The following HELZ2 variants were observed in gnomAD, a reference collection of about 807,000 sequenced individuals.
HELZ2 encodes the protein 3'-5' exoribonuclease HELZ2.
In HELZ2, 143 loss-of-function variants were observed where a neutral mutation model predicts 208.8. The ratio of observed to expected loss-of-function variants is 0.68; its 90% CI spans 0.60 to 0.79. The LOEUF is 0.79. Ranked by LOEUF, HELZ2 falls within the 30% of genes least tolerant of loss-of-function variation. The pLI is 0.00. For missense variants in HELZ2, 3,690 were observed against 3,794.5 expected (o/e 0.97, Z 0.72); for synonymous variants, 1,705 against 1,693.7 (o/e 1.01, Z -0.16).
chr20:63,561,005 G>C, intron 14 of HELZ2, 76 bp from the exon 16 acceptor site: 2 of 1,595,280 alleles, frequency 1.3e-6, no homozygotes, highest in Admixed American at 1.7e-5. Context: ...ACCCGCGTCT[G>C]CACACACAGG....
intron 15 of HELZ2, 30 bp downstream of exon 16, chr20:63,560,765 T>G (rs1600966797): frequency 6.2e-7 from 1 of 1,605,582 alleles, no homozygotes; most frequent in Non-Finnish European, 8.5e-7. Context: ...GGGCTGCAGG[T>G]GGGCTGGGGG....
At chr20:63,563,217 G>T in exon 8 of HELZ2, 1 of 1,578,232 alleles carries the variant, frequency 6.3e-7, no homozygotes, top group Non-Finnish European at 8.5e-7. Context: ...TCCAGGAAAT[G>T]GCCACAGTGG....
exon 17 of HELZ2, chr20:63,560,185 A>T: frequency 7.1e-7 from 1 of 1,411,800 alleles, no homozygotes; most frequent in Non-Finnish European, 9.4e-7. Flanking sequence ...GCTCTTGGTG[A>T]TGGAGGACAC....
At chr20:63,561,643 A>C in exon 12 of HELZ2, 1 of 1,612,186 alleles carries the variant, frequency 6.2e-7, no homozygotes, top group Non-Finnish European at 8.5e-7. Context: ...GCTCTTCCTG[A>C]GCAGCTTCCT....
chr20:63,570,447 TG>T, intron 3 of HELZ2, 56 bp downstream of exon 4: 4 of 1,438,466 alleles, frequency 2.8e-6, no homozygotes, highest in African/African-American at 1.4e-5. Context: ...CTGCCCGGGC[TG>T]AAGTCACCAC....
At chr20:63,562,596 C>T in exon 8 of HELZ2, 1 of 1,599,064 alleles carries the variant, frequency 6.3e-7, no homozygotes, top group South Asian at 1.1e-5. Context: ...GGAACCTTCT[C>T]CATGCCCATG....
Position 63,562,863 on chromosome 20 carries a change from A to G in HELZ2, c.5959T>C (p.Phe1987Leu). The G allele has an allele frequency of 3.1e-6, 5 of 1,607,460 alleles. No homozygotes were observed. Among genetic ancestry groups the G allele is most frequent in the Non-Finnish European group, 4.2e-6 (5 of 1,178,276 alleles). Residue 1987 changes from phenylalanine to leucine, a missense_variant, in exon 8 of 19, where the codon TTC (phenylalanine) becomes CTC (leucine). Physicochemically the swap from Phe to Leu is conservative, Grantham distance 22. Coordinates refer to ENST00000467148, the Ensembl canonical transcript of HELZ2. ...TCGAGGAAGGCGGCCTCCAGGCGGAAGGCGCCCTGCAGCTGCCCCTGCGGC... is the reference window on the plus strand; with the variant it reads ...TCGAGGAAGGCGGCCTCCAGGCGGAGGGCGCCCTGCAGCTGCCCCTGCGGC...
exon 5 of HELZ2, chr20:63,568,491 C>A: frequency 6.3e-7 from 1 of 1,586,286 alleles, no homozygotes; most frequent in Non-Finnish European, 8.6e-7. Context: ...CGCCTCCCAT[C>A]CCCAGGGCCC....
chr20:63,560,746 G>GC (rs750673261), intron 15 of HELZ2, 49 bp from the exon 17 acceptor site: 3 of 1,604,200 alleles, frequency 1.9e-6, no homozygotes, highest in African/African-American at 1.3e-5. Flanking sequence ...CGGGGTTGTG[G>GC]CCCCCCAGGG....
chr20:63,573,858 G>A (rs796344619), upstream of HELZ2, among the ~76,000 whole-genome samples: 7 of 152,218 alleles, frequency 4.6e-5, no homozygotes, highest in African/African-American at 1.7e-4. This position sits in a 1 kb window ranked among gnomAD's most constrained non-coding sequence, Gnocchi z 4.9. Context: ...ATGAGAACCC[G>A]GCACTCCCCG....
chr20:63,566,850 AC>A lies in HELZ2; in HGVS notation c.2507del (p.Gly836ValfsTer7), dbSNP rs774964801. The A allele has an allele frequency of 6.3e-7, 1 of 1,595,852 alleles. No homozygotes were observed. The highest frequency in any genetic ancestry group is 8.5e-7 in the Non-Finnish European group (1 of 1,175,400). ...CCGGGCTGGCCGGGCTCACCTGGGC[AC>A]CGTGGGAAACGACACAGATGCACCT... On this transcript the variant is annotated frameshift_variant, in exon 6 of 19. Transcript: ENST00000467148. LOFTEE classifies it high-confidence loss of function.
Position 63,565,900 on chromosome 20 carries a change from C to T in HELZ2, c.2922G>A (p.Trp974Ter). 6.3e-7 allele frequency: 1 copy of T among 1,597,304 alleles called. No individual in the cohort carries two copies. Among genetic ancestry groups the T allele is most frequent in the Non-Finnish European group, 8.5e-7 (1 of 1,178,980 alleles). ...CCCCTACTGGCTCTGGGGCAGCCTC[C>T]CAGTTCCCCGCTGCCCCAGCCTGTG... Residue 974 changes from tryptophan (W) to a stop codon, truncating the protein, a stop_gained, in exon 8 of 19, where the codon TGG becomes TGA. Transcript: ENST00000467148. LOFTEE classifies it high-confidence loss of function.
chr20:63,570,342 G>A (rs2083004677), intron 3 of HELZ2, 162 bp downstream of exon 4: 1 of 721,156 alleles, frequency 1.4e-6, no homozygotes, highest in Non-Finnish European at 2.6e-6. Context: ...TAGGTGAGGA[G>A]ACTGAGGCAG....
chr20:63,569,709 C>T (rs1291871252), intron 3 of HELZ2, 44 bp from the exon 5 acceptor site: 4 of 1,462,780 alleles, frequency 2.7e-6, no homozygotes, highest in African/African-American at 1.4e-5. Flanking sequence ...GGGCTCCCCC[C>T]AACCCTCCCG....
At chr20:63,570,647 A>AGGCCCC in intron 2 of HELZ2, 36 bp from the exon 4 acceptor site, 66 of 1,497,028 alleles carry the variant, frequency 4.4e-5, no homozygotes, top group Non-Finnish European at 5.5e-5. Flanking sequence ...AGAGGCCTGG[A>AGGCCCC]CCCCACCCCA....
intron 14 of HELZ2, 68 bp downstream of exon 15, chr20:63,561,014 G>C (rs1221101433): frequency 5.6e-6 from 9 of 1,595,304 alleles, no homozygotes; most frequent in Non-Finnish European, 8.6e-7. Context: ...TGCACACACA[G>C]GGCACCCCAG....
intron 14 of HELZ2, 41 bp downstream of exon 15, chr20:63,561,041 G>C: frequency 1.3e-6 from 2 of 1,598,482 alleles, no homozygotes; most frequent in Non-Finnish European, 1.7e-6. Context: ...GACTGTGCCA[G>C]GGACGCCTGC....
At chr20:63,568,606 C>T in exon 5 of HELZ2, 1 of 1,599,052 alleles carries the variant, frequency 6.3e-7, no homozygotes. Context: ...AGTCGGGCAC[C>T]ACCAGCTGCT....
At position 63,564,193 on chromosome 20, in the gene HELZ2, G is replaced by A. The variant is rs547243901; in HGVS notation, c.4629C>T (p.Ser1543=). The change falls in exon 8 of 19, where the codon AGC becomes AGT. Residue 1543 remains serine (S), a synonymous_variant. Coordinates refer to ENST00000467148, the Ensembl canonical transcript of HELZ2. ...GAGGCGTGACCGTCCGCGTGCACTC[G>A]CTGCCCACCAGGAACTCAGCCACGA... The A allele has an allele frequency of 3.0e-5, 49 of 1,611,522 alleles. No individual in the cohort carries two copies. The highest frequency in any genetic ancestry group is 3.7e-5 in the Non-Finnish European group (44 of 1,179,488).
Sources: allele counts gnomAD v4.1 joint callset (sites outside exome capture counted in the v4.1 genomes callset), GRCh38; gene constraint gnomAD v4.1.1; non-coding constraint Gnocchi (gnomAD v3.1); transcripts MANE v1.5; gene names NCBI Gene and HGNC (gene_info 2026-07-23, HGNC 2026-07-21).